The following ANKRD30B variants were observed in gnomAD, a reference collection of about 807,000 sequenced individuals.
ANKRD30B encodes the protein ankyrin repeat domain-containing protein 30B.
A neutral mutation model predicts 202.2 loss-of-function variants in ANKRD30B; 144 were observed. That is an observed-to-expected ratio of 0.71 (90% confidence interval 0.62 to 0.82). The LOEUF (loss-of-function observed/expected upper bound fraction) is 0.82. Among genes scored for constraint, ANKRD30B ranks in the 40% least tolerant of loss-of-function variants. The probability of loss-of-function intolerance (pLI) is 0.00; values close to 1 mark genes in which losing one functional copy is unlikely to be tolerated. For missense variants in ANKRD30B, 1,487 were observed against 1,669.1 expected, an observed-to-expected ratio of 0.89 and a Z score of 1.90; for synonymous variants, 508 against 561.3, an observed-to-expected ratio of 0.91 and a Z score of 1.34.
chr18:14,766,373 T>A (rs1916152812), intron 7 of ANKRD30B, among the ~76,000 whole-genome samples: 1 of 145,484 alleles, frequency 6.9e-6, no homozygotes, highest in Admixed American at 7.2e-5. Context: ...CTCAGGAGGC[T>A]GAGGCAGGAG....
At chr18:14,881,223 G>C in the ANKRD30B span, among the ~76,000 whole-genome samples, 1 of 152,298 alleles carries the variant, frequency 6.6e-6, no homozygotes, top group Non-Finnish European at 1.5e-5. Flanking sequence ...CTGTGGGTTT[G>C]TCCTAGATGG....
the ANKRD30B span, among the ~76,000 whole-genome samples, chr18:14,865,493 C>A: frequency 6.6e-6 from 1 of 152,024 alleles, no homozygotes; most frequent in African/African-American, 2.4e-5. Context: ...CATCCCCGTT[C>A]CCCACTCACG....
At chr18:14,868,566 A>G in the ANKRD30B span, among the ~76,000 whole-genome samples, 1 of 152,274 alleles carries the variant, frequency 6.6e-6, no homozygotes, top group South Asian at 2.1e-4. Context: ...ACCAAGGGGA[A>G]GAAAGGGAAC....
chr18:14,844,963 CT>C (rs1339949710), intron 39 of ANKRD30B, among the ~76,000 whole-genome samples: 1 of 151,800 alleles, frequency 6.6e-6, no homozygotes, highest in Admixed American at 6.6e-5. Flanking sequence ...TGTTTAAGTT[CT>C]TGTACATTCT....
intron 10 of ANKRD30B, among the ~76,000 whole-genome samples, chr18:14,778,561 C>T (rs1305793383): frequency 6.6e-6 from 1 of 152,146 alleles, no homozygotes; most frequent in Non-Finnish European, 1.5e-5. Context: ...AAGCACCTGA[C>T]CATGGAGAGT....
At chr18:14,789,897 C>G (rs1215036728) in intron 15 of ANKRD30B, among the ~76,000 whole-genome samples, 6 of 152,052 alleles carry the variant, frequency 3.9e-5, no homozygotes, top group Admixed American at 3.9e-4. Flanking sequence ...TACATATGAA[C>G]TTTAAAGTAG....
chr18:14,921,467 C>A, the ANKRD30B span, among the ~76,000 whole-genome samples: 4 of 152,084 alleles, frequency 2.6e-5, no homozygotes, highest in African/African-American at 9.7e-5. Context: ...GAGACACAAC[C>A]CAAGGTGTCA....
At chr18:14,808,418 A>C (rs182957173) in intron 24 of ANKRD30B, 133 bp from the exon 25 acceptor site, 58 of 978,450 alleles carry the variant, frequency 5.9e-5, no homozygotes, top group Non-Finnish European at 8.5e-5. Flanking sequence ...AAAACCCAAA[A>C]GACCCCAAAA....
intron 30 of ANKRD30B, chr18:14,817,042 T>G (rs1970150447): frequency 6.6e-6 from 1 of 152,116 alleles, no homozygotes; most frequent in South Asian, 2.1e-4. Context: ...ATTGTGCACA[T>G]GTACCCTAAA....
chr18:14,798,003 G>C (rs1299165452), intron 20 of ANKRD30B, 149 bp downstream of exon 20: 5 of 919,444 alleles, frequency 5.4e-6, no homozygotes, highest in Non-Finnish European at 8.0e-6. Context: ...ATTTATGTTT[G>C]AGAAAATGTC....
At chr18:14,807,882 A>G (rs1255075308) in intron 24 of ANKRD30B, among the ~76,000 whole-genome samples, 2 of 151,018 alleles carry the variant, frequency 1.3e-5, no homozygotes, top group Non-Finnish European at 3.0e-5. Context: ...TAAGTGGATC[A>G]GGAAATTTTG....
chr18:14,808,872 C>T (rs1969727595), intron 26 of ANKRD30B, 128 bp downstream of exon 26: 8 of 830,492 alleles, frequency 9.6e-6, no homozygotes, highest in Non-Finnish European at 1.5e-5. Flanking sequence ...ACAAATAATG[C>T]AAATGTTAGT....
At chr18:14,798,801 C>G (rs1436864457) in intron 20 of ANKRD30B, among the ~76,000 whole-genome samples, 5 of 152,102 alleles carry the variant, frequency 3.3e-5, no homozygotes, top group African/African-American at 4.8e-5. Flanking sequence ...AGCACATCAC[C>G]CACTGTTGGC....
chr18:14,868,047 G>A, the ANKRD30B span, among the ~76,000 whole-genome samples: 20 of 152,176 alleles, frequency 1.3e-4, no homozygotes, highest in East Asian at 5.8e-4. Flanking sequence ...TGATGGAGAC[G>A]GCAGCTCAAC....
At chr18:14,844,467 T>C (rs1971548744) in intron 39 of ANKRD30B, among the ~76,000 whole-genome samples, 1 of 152,368 alleles carries the variant, frequency 6.6e-6, no homozygotes, top group Non-Finnish European at 1.5e-5. Flanking sequence ...ACACATTTTC[T>C]TAATCCAGTC....
chr18:14,872,296 C>T, the ANKRD30B span, among the ~76,000 whole-genome samples: 1 of 152,264 alleles, frequency 6.6e-6, no homozygotes, highest in African/African-American at 2.4e-5. Flanking sequence ...GTTTCTCCTA[C>T]CATTTCTAAG....
At chr18:14,923,007 G>A in the ANKRD30B span, among the ~76,000 whole-genome samples, 3 of 152,120 alleles carry the variant, frequency 2.0e-5, no homozygotes, top group African/African-American at 7.2e-5. Flanking sequence ...CACATCCTGG[G>A]CCAGGAAAAA....
At chr18:14,932,874 G>A in the ANKRD30B span, among the ~76,000 whole-genome samples, 2 of 152,160 alleles carry the variant, frequency 1.3e-5, no homozygotes, top group Non-Finnish European at 2.9e-5. Flanking sequence ...TCTTAAGAAC[G>A]TATTTGGAAC....
chr18:14,928,841 C>T, the ANKRD30B span, among the ~76,000 whole-genome samples: 1,626 of 152,228 alleles, frequency 0.011, 40 homozygotes, highest in African/African-American at 0.037. Flanking sequence ...CAAAATCTGC[C>T]GAGTGGGGCC....
Sources: allele counts gnomAD v4.1 joint callset (sites outside exome capture counted in the v4.1 genomes callset), GRCh38; gene constraint gnomAD v4.1.1; transcripts MANE v1.5; gene names NCBI Gene and HGNC (gene_info 2026-07-23, HGNC 2026-07-21).